Variants in ANTXR2 observed in about 807,000 individuals in gnomAD.
ANTXR2 encodes the protein ANTXR cell adhesion molecule 2.
Under a neutral mutation model 73.7 loss-of-function variants are expected in ANTXR2, and 44 were observed. The observed-to-expected ratio is 0.60, with a 90% confidence interval of 0.47 to 0.77. The LOEUF is 0.77. Ranked by LOEUF, ANTXR2 falls within the 30% of genes least tolerant of loss-of-function variation. ANTXR2 has a pLI of 0.00. For missense variants in ANTXR2, 604 were observed against 592.5 expected (o/e 1.02, Z -0.20); for synonymous variants, 217 against 205.9 (o/e 1.05, Z -0.46).
At chr4:80,011,738 T>G (rs1441433998) in intron 11 of ANTXR2, among the ~76,000 whole-genome samples, 1 of 152,178 alleles carries the variant, frequency 6.6e-6, no homozygotes, top group Non-Finnish European at 1.5e-5. Flanking sequence ...TTTATAAAGT[T>G]TTGGGCAAAA....
intron 7 of ANTXR2, among the ~76,000 whole-genome samples, chr4:80,042,750 A>T (rs763810548): frequency 6.6e-6 from 1 of 152,062 alleles, no homozygotes; most frequent in East Asian, 1.9e-4. Flanking sequence ...ATTTTAAAGC[A>T]AGAAATGCAA....
chr4:79,935,918 A>G (rs12647878), intron 16 of ANTXR2, among the ~76,000 whole-genome samples: 15,073 of 152,206 alleles, frequency 0.099, 1,890 homozygotes, highest in East Asian at 0.66. Context: ...AAAGAGTGAC[A>G]CTTAGGCTAA....
intron 10 of ANTXR2, among the ~76,000 whole-genome samples, chr4:80,021,374 C>T (rs1273112922): frequency 6.6e-6 from 1 of 151,902 alleles, no homozygotes; most frequent in East Asian, 1.9e-4. Flanking sequence ...ATTGTCTTCC[C>T]TAGTTCTTAA....
intron 12 of ANTXR2, among the ~76,000 whole-genome samples, chr4:79,998,921 C>T (rs1730871149): frequency 6.6e-6 from 1 of 151,994 alleles, no homozygotes; most frequent in Admixed American, 6.6e-5. Context: ...AGATAAAGGT[C>T]TCCAAATATC....
At chr4:79,927,957 C>T (rs936059991) in intron 16 of ANTXR2, among the ~76,000 whole-genome samples, 2 of 152,038 alleles carry the variant, frequency 1.3e-5, no homozygotes, top group African/African-American at 4.8e-5. Context: ...AATGGTAGTT[C>T]CTCAAAAAAT....
At chr4:79,997,242 A>G (rs1271842168) in intron 12 of ANTXR2, among the ~76,000 whole-genome samples, 4 of 151,848 alleles carry the variant, frequency 2.6e-5, no homozygotes, top group Non-Finnish European at 5.9e-5. Flanking sequence ...AAGAACTGTC[A>G]ACATTGAATT....
Position 79,983,878 on chromosome 4 carries a change from C to T in ANTXR2, c.1179G>A (p.Glu393=), listed in dbSNP as rs546102223. The T allele has an allele frequency of 6.2e-7, 1 of 1,609,000 alleles. No individual in the cohort carries two copies. Among genetic ancestry groups the T allele is most frequent in the South Asian group, 1.1e-5 (1 of 90,726 alleles). The change falls in exon 14 of 17, where the codon GAG becomes GAA. Residue 393 remains glutamate (E), a splice_region_variant and synonymous_variant. Transcript: ENST00000403729. ...TTCTATTTTTTTTTAAGATACCAAC[C>T]TCCATTCTTTTAATTCCTCCAACCC... ...GRGVGGIKRM[E]VRWGDKGSTE...
chr4:79,957,067 T>TA (rs1728916686), intron 16 of ANTXR2, among the ~76,000 whole-genome samples: 1 of 152,160 alleles, frequency 6.6e-6, no homozygotes, highest in East Asian at 1.9e-4. Flanking sequence ...TCATAATTTT[T>TA]ATGTGATTCC....
chr4:79,963,231 T>C (rs1361050148), intron 16 of ANTXR2, among the ~76,000 whole-genome samples: 1 of 152,046 alleles, frequency 6.6e-6, no homozygotes, highest in Non-Finnish European at 1.5e-5. Flanking sequence ...CAAGCAGGAC[T>C]GAAAGGCACG....
chr4:79,948,798 A>AGGT (rs1215666375), intron 16 of ANTXR2, among the ~76,000 whole-genome samples: 6 of 152,166 alleles, frequency 3.9e-5, no homozygotes, highest in African/African-American at 1.4e-4. Flanking sequence ...GAGGAGGAGG[A>AGGT]GAAACAGAAA....
chr4:79,982,172 A>G (rs1446780650), intron 14 of ANTXR2, among the ~76,000 whole-genome samples: 1 of 152,142 alleles, frequency 6.6e-6, no homozygotes, highest in Non-Finnish European at 1.5e-5. Flanking sequence ...TCACATACTA[A>G]TATCCTTACT....
intron 16 of ANTXR2, among the ~76,000 whole-genome samples, chr4:79,948,527 A>C (rs139347550): frequency 3.3e-5 from 5 of 152,226 alleles, no homozygotes; most frequent in Non-Finnish European, 7.3e-5. Context: ...ACAGATGCCT[A>C]TGAATAGGGT....
In ANTXR2 at chr4:79,984,831, A is replaced by C. The variant is rs751160734; in HGVS notation, c.1074T>G (p.Pro358=). ...GGCACTCACTTACCTCTTTTGGTGC[A>C]GGGGCGGGTGGTGGTGGAGGATCCT... ...VIKDPPPPPA[P]APKEEEEEPL... is the part of the protein sequence containing the mutation. Residue 358 remains proline (P), a synonymous_variant, in exon 13 of 17, where the codon CCT becomes CCG. Transcript: ENST00000403729. The C allele has an allele frequency of 4.4e-6, 7 of 1,606,422 alleles. No individual in the cohort carries two copies. The South Asian group carries it at 4.5e-5, about 10-fold the overall frequency.
At chr4:80,041,136 G>A (rs1480282679) in intron 7 of ANTXR2, among the ~76,000 whole-genome samples, 1 of 151,990 alleles carries the variant, frequency 6.6e-6, no homozygotes, top group Non-Finnish European at 1.5e-5. Context: ...TTTTATTGAT[G>A]AGGAAACTGG....
chr4:79,948,463 A>G (rs1728590544), intron 16 of ANTXR2, among the ~76,000 whole-genome samples: 1 of 152,196 alleles, frequency 6.6e-6, no homozygotes, highest in South Asian at 2.1e-4. Context: ...ATTAAGATAC[A>G]CAGAAATTCA....
At chr4:80,069,380 A>G (rs1734674296) in intron 3 of ANTXR2, 56 bp downstream of exon 3, 3 of 1,361,844 alleles carry the variant, frequency 2.2e-6, no homozygotes, top group Non-Finnish European at 2.1e-6. Flanking sequence ...AATATCAATC[A>G]TGCCTTTAAA....
rs970718893 is a variant in ANTXR2 at position 79,902,808 on chromosome 4, A to G, written c.*4621T>C. 3 of 152,102 alleles carry G rather than the reference A, an allele frequency of 2.0e-5. No individual in the cohort carries two copies. The South Asian group carries it at 6.2e-4, about 32-fold the overall frequency. 9.4% of individuals were successfully genotyped at this position (152,102 alleles called of 1,614,324 possible). ...AAAGAAGCCAGTCATATTGATACAA[A>G]TATGAGATACAAAAATACTAAAACC... On this transcript the variant is annotated 3_prime_UTR_variant, in exon 17 of 17. Coordinates refer to ENST00000403729, the MANE Select transcript of ANTXR2 (RefSeq NM_058172.6).
At chr4:80,051,221 T>A (rs1733759753) in intron 7 of ANTXR2, among the ~76,000 whole-genome samples, 1 of 151,798 alleles carries the variant, frequency 6.6e-6, no homozygotes, top group African/African-American at 2.4e-5. Flanking sequence ...GTTATAAGAT[T>A]ATTTCTTATC....
At chr4:79,914,358 C>T (rs549638491) in intron 16 of ANTXR2, among the ~76,000 whole-genome samples, 1 of 152,064 alleles carries the variant, frequency 6.6e-6, no homozygotes, top group African/African-American at 2.4e-5. Flanking sequence ...ATCTTGACTT[C>T]GGCTTATTAT....
Sources: allele counts gnomAD v4.1 joint callset (sites outside exome capture counted in the v4.1 genomes callset), GRCh38; gene constraint gnomAD v4.1.1; transcripts MANE v1.5; gene names NCBI Gene and HGNC (gene_info 2026-07-23, HGNC 2026-07-21).